Variants in CPAMD8 observed in about 807,000 individuals in gnomAD.
The protein encoded by CPAMD8 is C3 and PZP-like alpha-2-macroglobulin domain-containing protein 8.
In CPAMD8, 146 loss-of-function variants were observed where a neutral mutation model predicts 224.7. The ratio of observed to expected loss-of-function variants is 0.65; its 90% CI spans 0.57 to 0.75. The LOEUF is 0.75. Ranked by LOEUF, CPAMD8 falls within the 30% of genes least tolerant of loss-of-function variation. The pLI is 0.00. For missense variants in CPAMD8, 2,301 were observed against 2,537.5 expected, an observed-to-expected ratio of 0.91 and a Z score of 2.00; for synonymous variants, 966 against 1,044.6, an observed-to-expected ratio of 0.92 and a Z score of 1.45.
chr19:16,993,421 G>A lies in CPAMD8; in HGVS notation c.1261C>T (p.Leu421=), dbSNP rs2056022798. 2 of 1,612,448 alleles carry A rather than the reference G, an allele frequency of 1.2e-6. No homozygotes were observed. The highest frequency in any genetic ancestry group is 1.7e-6 in the Non-Finnish European group (2 of 1,179,258). The change falls in exon 12 of 42, where the codon CTG becomes TTG. Residue 421 remains leucine, a synonymous_variant. Transcript: ENST00000443236. ...SIPTSAQHVW[L]ETKVMALNGK... Reference sequence around the variant, plus strand: ...GGTCCACGGGACTCACCCACCTCCAGCCACACGTGCTGGGCTGACGTGGGG... The same window carrying A: ...GGTCCACGGGACTCACCCACCTCCAACCACACGTGCTGGGCTGACGTGGGG...
chr19:16,911,802 C>T (rs2052739797), intron 29 of CPAMD8, among the ~76,000 whole-genome samples: 1 of 152,226 alleles, frequency 6.6e-6, no homozygotes, highest in East Asian at 1.9e-4. Flanking sequence ...CCTCAGCCTC[C>T]CAAAGTGCTG....
chr19:16,976,049 T>A lies in CPAMD8; in HGVS notation c.1861A>T (p.Lys621Ter). The change falls in exon 16 of 42, where the codon AAG (lysine) becomes TAG (stop). Residue 621 changes from lysine (K) to a stop codon, truncating the protein, a stop_gained. Transcript: ENST00000443236. LOFTEE classifies it high-confidence loss of function. Reference sequence around the variant, plus strand: ...CCAGACCTGAGCAGGTAGACACTCTTATCAACTGCGGCGACGCACACACAG... The same window carrying A: ...CCAGACCTGAGCAGGTAGACACTCTAATCAACTGCGGCGACGCACACACAG... Reference protein sequence around the residue: ...GSCVCVAAVDKSVYLLRSGFR... With the variant: ...GSCVCVAAVD 1 of 1,611,024 alleles carries A rather than the reference T, an allele frequency of 6.2e-7. No individual in the cohort carries two copies. Among genetic ancestry groups the A allele is most frequent in the South Asian group, 1.1e-5 (1 of 90,766 alleles).
At chr19:17,019,405 G>A (rs745819787) in intron 3 of CPAMD8, among the ~76,000 whole-genome samples, 23 of 152,184 alleles carry the variant, frequency 1.5e-4, no homozygotes, top group South Asian at 2.1e-4. Flanking sequence ...TTACAGGCAT[G>A]AGCCACTGCG....
intron 29 of CPAMD8, among the ~76,000 whole-genome samples, chr19:16,911,761 G>A (rs60682729): frequency 0.024 from 3,722 of 152,140 alleles, 142 homozygotes; most frequent in African/African-American, 0.083. Flanking sequence ...TAGCCAGGAT[G>A]GTCTCGATCT....
chr19:17,012,899 A>T (rs1212028371), intron 3 of CPAMD8, among the ~76,000 whole-genome samples: 1 of 152,228 alleles, frequency 6.6e-6, no homozygotes, highest in Admixed American at 6.5e-5. Flanking sequence ...ATCGCAGCAC[A>T]GGCTGAGCGC....
At chr19:17,016,068 T>C (rs886579234) in intron 3 of CPAMD8, among the ~76,000 whole-genome samples, 4 of 152,176 alleles carry the variant, frequency 2.6e-5, no homozygotes, top group Non-Finnish European at 5.9e-5. Context: ...CTTGGCCTAC[T>C]GAGTGGCTGG....
At chr19:16,957,166 C>T (rs2054498927) in intron 19 of CPAMD8, among the ~76,000 whole-genome samples, 1 of 152,186 alleles carries the variant, frequency 6.6e-6, no homozygotes, top group Non-Finnish European at 1.5e-5. Context: ...CCAAAGCAGT[C>T]TGAGGGGCCC....
intron 8 of CPAMD8, among the ~76,000 whole-genome samples, chr19:17,002,766 C>T (rs1044556617): frequency 2.6e-5 from 4 of 152,258 alleles, no homozygotes; most frequent in East Asian, 1.9e-4. Flanking sequence ...CTGGACTCAG[C>T]CCTGGGAGTA....
At chr19:17,025,550 C>G (rs1248737935) in intron 1 of CPAMD8, among the ~76,000 whole-genome samples, 3 of 152,184 alleles carry the variant, frequency 2.0e-5, no homozygotes, top group Non-Finnish European at 2.9e-5. Context: ...ACCTGCACAT[C>G]GAAAGCTGTT....
chr19:16,932,488 C>T (rs2053573754), intron 23 of CPAMD8, among the ~76,000 whole-genome samples: 1 of 151,940 alleles, frequency 6.6e-6, no homozygotes, highest in Non-Finnish European at 1.5e-5. Flanking sequence ...AAGAACCATA[C>T]AAAGAAGTCA....
chr19:16,981,347 T>C (rs1212639983), intron 13 of CPAMD8, among the ~76,000 whole-genome samples: 4 of 151,544 alleles, frequency 2.6e-5, no homozygotes, highest in African/African-American at 9.8e-5. Flanking sequence ...GGTAACAGAG[T>C]GAGACCCTGT....
intron 7 of CPAMD8, among the ~76,000 whole-genome samples, chr19:17,007,939 G>A (rs1381658611): frequency 3.9e-5 from 6 of 152,196 alleles, no homozygotes; most frequent in South Asian, 2.1e-4. Flanking sequence ...AGGACAAGGC[G>A]GGTGGATCAC....
At chr19:16,937,100 C>T (rs185549927) in intron 23 of CPAMD8, among the ~76,000 whole-genome samples, 4 of 149,332 alleles carry the variant, frequency 2.7e-5, no homozygotes, top group Non-Finnish European at 5.9e-5. Flanking sequence ...TCCTTCCTTC[C>T]TTTCTTCCTT....
intron 17 of CPAMD8, among the ~76,000 whole-genome samples, chr19:16,974,823 A>G (rs971205041): frequency 1.3e-5 from 2 of 151,838 alleles, no homozygotes; most frequent in African/African-American, 4.8e-5. Context: ...AAGCAAAATA[A>G]AATTAGCCAG....
chr19:16,905,654 C>A (rs2052449021), intron 30 of CPAMD8, among the ~76,000 whole-genome samples: 1 of 151,622 alleles, frequency 6.6e-6, no homozygotes, highest in Non-Finnish European at 1.5e-5. Context: ...GAGAAACCAG[C>A]CCACCACCAC....
In CPAMD8 at chr19:16,903,600, C is replaced by T; in HGVS notation, c.4431G>A (p.Leu1477=). ...AGCCGTCCCCCTTGGCACTCACAAACAGCCCCGTGGGGAGGCTGGGGATCT... is the reference window on the plus strand; with the variant it reads ...AGCCGTCCCCCTTGGCACTCACAAATAGCCCCGTGGGGAGGCTGGGGATCT... ...TAAIPSLPTG[L]FVSAKGDGCC... is the part of the protein sequence containing the mutation. Residue 1477 remains leucine, a synonymous_variant, in exon 34 of 42, where the codon CTG becomes CTA. Coordinates refer to ENST00000443236, the MANE Select transcript of CPAMD8 (RefSeq NM_015692.5). 6.2e-7 allele frequency: 1 copy of T among 1,614,142 alleles called. No individual in the cohort carries two copies.
intron 23 of CPAMD8, among the ~76,000 whole-genome samples, chr19:16,931,498 A>G (rs1038476907): frequency 2.0e-5 from 3 of 152,150 alleles, no homozygotes; most frequent in Non-Finnish European, 4.4e-5. Flanking sequence ...TGGGAGCCGG[A>G]GGGTCATCTC....
chr19:16,942,290 C>A (rs1024504041), intron 22 of CPAMD8, among the ~76,000 whole-genome samples: 19 of 152,158 alleles, frequency 1.2e-4, no homozygotes, highest in African/African-American at 4.6e-4. Context: ...GGTGAAACCC[C>A]GTCTCTACTA....
At chr19:16,907,279 AC>A (rs1443715414) in intron 29 of CPAMD8, among the ~76,000 whole-genome samples, 162 bp from the exon 30 acceptor site, 1 of 108,970 alleles carries the variant, frequency 9.2e-6, no homozygotes, top group Non-Finnish European at 1.9e-5. Context: ...CAATTTTCAA[AC>A]CCCATCTCCT....
Sources: allele counts gnomAD v4.1 joint callset (sites outside exome capture counted in the v4.1 genomes callset), GRCh38; gene constraint gnomAD v4.1.1; transcripts MANE v1.5; gene names NCBI Gene and HGNC (gene_info 2026-07-23, HGNC 2026-07-21).